The following LAMA4 variants were observed in gnomAD, a reference collection of about 807,000 sequenced individuals.
LAMA4 encodes the protein laminin subunit alpha-4.
Under a neutral mutation model 207.1 loss-of-function variants are expected in LAMA4, and 127 were observed. The observed-to-expected ratio is 0.61, with a 90% CI of 0.53 to 0.71. The LOEUF (loss-of-function observed/expected upper bound fraction) is 0.71. LAMA4 is among the 30% of genes least tolerant of loss of function. The probability of loss-of-function intolerance (pLI) is 0.00; values close to 1 mark genes in which losing one functional copy is unlikely to be tolerated. For missense variants in LAMA4, 2,093 were observed against 2,246.5 expected (o/e 0.93, Z 1.38); for synonymous variants, 761 against 816.0 (o/e 0.93, Z 1.15).
At chr6:112,111,052 TTA>T (rs1777662707) in intron 38 of LAMA4, among the ~76,000 whole-genome samples, 1 of 152,176 alleles carries the variant, frequency 6.6e-6, no homozygotes, top group Non-Finnish European at 1.5e-5. Context: ...ATTATTATTA[TTA>T]TTTTGAGACA....
chr6:112,205,986 G>A (rs1784036005), intron 4 of LAMA4, among the ~76,000 whole-genome samples: 1 of 152,092 alleles, frequency 6.6e-6, no homozygotes, highest in Non-Finnish European at 1.5e-5. Flanking sequence ...AGAGAGCCTG[G>A]AGTCTCTGCA....
At chr6:112,112,101 T>C (rs1777734916) in intron 38 of LAMA4, among the ~76,000 whole-genome samples, 1 of 152,202 alleles carries the variant, frequency 6.6e-6, no homozygotes, top group South Asian at 2.1e-4. Context: ...GGAATGCACT[T>C]CTTAGTTTCA....
chr6:112,117,507 T>G lies in LAMA4; in HGVS notation c.4981+232A>C, dbSNP rs587708198. 6.6e-6 allele frequency among the ~76,000 whole-genome samples: 1 copy of G among 152,212 alleles called. No individual in the cohort carries two copies. The highest frequency in any genetic ancestry group is 1.5e-5 in the Non-Finnish European group (1 of 68,002). The stretch of plus-strand genomic sequence containing the variant: ...TCTAAAGGAGCCCAGGTGGTCTTCA[T>G]CCAGAAGTTTGGCAGCTGTGGAGAA... On this transcript the variant is annotated intron_variant, in intron 35 of 38. Transcript: ENST00000230538. This position sits in a 1 kb window ranked among gnomAD's most constrained non-coding sequence, Gnocchi z 4.5.
At chr6:112,224,938 G>GTTTTTTTT (rs5879142) in intron 2 of LAMA4, among the ~76,000 whole-genome samples, 1 of 143,144 alleles carries the variant, frequency 7.0e-6, no homozygotes, top group Non-Finnish European at 1.5e-5. Flanking sequence ...TTCTTTCTCA[G>GTTTTTTTT]TTTTTTTTTT....
intron 38 of LAMA4, among the ~76,000 whole-genome samples, chr6:112,112,138 C>T (rs953379651): frequency 6.6e-6 from 1 of 152,110 alleles, no homozygotes; most frequent in South Asian, 2.1e-4. Flanking sequence ...AGTGCTACAA[C>T]AGCAGTATGT....
chr6:112,136,915 T>G (rs1194775176), intron 24 of LAMA4, among the ~76,000 whole-genome samples: 2 of 152,176 alleles, frequency 1.3e-5, no homozygotes, highest in Non-Finnish European at 2.9e-5. Context: ...TTTAGGAAAC[T>G]TTTAAAAATT....
At chr6:112,145,183 C>T (rs1171282488) in intron 18 of LAMA4, among the ~76,000 whole-genome samples, 1 of 152,170 alleles carries the variant, frequency 6.6e-6, no homozygotes, top group Non-Finnish European at 1.5e-5. Context: ...TGTTATATAA[C>T]CTGTTTGTGT....
chr6:112,156,234 C>A (rs1379084527), intron 14 of LAMA4, among the ~76,000 whole-genome samples: 1 of 152,094 alleles, frequency 6.6e-6, no homozygotes, highest in Non-Finnish European at 1.5e-5. Flanking sequence ...CTCAGCCCAC[C>A]CTCACCCCTG....
At chr6:112,235,933 C>A (rs1365979665) in intron 2 of LAMA4, among the ~76,000 whole-genome samples, 1 of 152,198 alleles carries the variant, frequency 6.6e-6, no homozygotes, top group Admixed American at 6.5e-5. Flanking sequence ...TGACCAAAGG[C>A]GAAGAGAACT....
chr6:112,198,596 A>C (rs1783556329), intron 5 of LAMA4, among the ~76,000 whole-genome samples: 1 of 152,198 alleles, frequency 6.6e-6, no homozygotes, highest in African/African-American at 2.4e-5. Context: ...AAGATGACAA[A>C]ATACAACCTT....
rs80168443 is a variant in LAMA4 at position 112,139,309 on chromosome 6, C to T, written c.3111-18G>A. ...GCTTATCTCTGAAATGGAAACACAA[C>T]GGTCATTTGAACACTACAGTTTCTG... is the stretch of plus-strand genomic sequence containing the variant. On this transcript the variant is annotated intron_variant, in intron 23 of 38. Coordinates refer to ENST00000230538, the MANE Select transcript of LAMA4 (RefSeq NM_001105206.3). The T allele has an allele frequency of 4.7e-4, 766 of 1,613,830 alleles. No individual in the cohort carries two copies. In the East Asian group the frequency reaches 5.0e-3, roughly 11 times the overall value.
At chr6:112,210,870 T>C (rs1554356255) in intron 3 of LAMA4, among the ~76,000 whole-genome samples, 1 of 152,184 alleles carries the variant, frequency 6.6e-6, no homozygotes, top group East Asian at 1.9e-4. Flanking sequence ...ATGGAATTGG[T>C]ATATTATTGC....
At chr6:112,208,081 C>T (rs17073570) in intron 3 of LAMA4, among the ~76,000 whole-genome samples, 1 of 152,130 alleles carries the variant, frequency 6.6e-6, no homozygotes, top group Non-Finnish European at 1.5e-5. Flanking sequence ...ACTAGTGGTA[C>T]AAGGCAAAGC....
chr6:112,229,863 T>C (rs1213227635), intron 2 of LAMA4, among the ~76,000 whole-genome samples: 1 of 152,218 alleles, frequency 6.6e-6, no homozygotes, highest in Non-Finnish European at 1.5e-5. Context: ...AGGGTTTGTA[T>C]TCAAAGGTGG....
At chr6:112,190,944 T>TTTCTTTCTTTCCTTCCTTCC (rs1783054736) in intron 6 of LAMA4, among the ~76,000 whole-genome samples, 1 of 41,626 alleles carries the variant, frequency 2.4e-5, no homozygotes, top group African/African-American at 9.6e-5. Context: ...TCTTTCTTTC[T>TTTCTTTCTTTCCTTCCTTCC]TTCCTTTCTT....
chr6:112,225,195 C>A (rs1348433547), intron 2 of LAMA4, among the ~76,000 whole-genome samples: 7 of 151,952 alleles, frequency 4.6e-5, no homozygotes, highest in Non-Finnish European at 7.4e-5. Context: ...TTTATGCCAC[C>A]CCCTTGTTTC....
In LAMA4 at chr6:112,254,245, C is replaced by T. The variant is rs541547419; in HGVS notation, c.-95G>A. On this transcript the variant is annotated 5_prime_UTR_variant, in exon 2 of 39. Transcript: ENST00000230538. ...GGTGCGGCGGTGCCTCGCTTATTTT[C>T]CCTCCTCTCCGTGTGCAGTATCCCG... 2.2e-4 allele frequency: 338 copies of T among 1,508,382 alleles called. No individual in the cohort carries two copies. Among genetic ancestry groups the T allele is most frequent in the Admixed American group, 3.4e-4 (19 of 55,594 alleles). 93.4% of individuals were successfully genotyped at this position (1,508,382 alleles called of 1,614,324 possible).
intron 32 of LAMA4, among the ~76,000 whole-genome samples, chr6:112,121,532 A>G (rs1195749852): frequency 1.3e-5 from 2 of 152,256 alleles, no homozygotes; most frequent in East Asian, 3.8e-4. Flanking sequence ...AATATCAGAT[A>G]ACCTGGAGAT....
At chr6:112,149,134 T>A (rs1484444969) in intron 17 of LAMA4, among the ~76,000 whole-genome samples, 16 of 141,216 alleles carry the variant, frequency 1.1e-4, no homozygotes, top group Middle Eastern at 3.8e-3. Context: ...TAATACTTAA[T>A]TTAATAATAT....
Sources: allele counts gnomAD v4.1 joint callset (sites outside exome capture counted in the v4.1 genomes callset), GRCh38; gene constraint gnomAD v4.1.1; non-coding constraint Gnocchi (gnomAD v3.1); transcripts MANE v1.5; gene names NCBI Gene and HGNC (gene_info 2026-07-23, HGNC 2026-07-21).